DLG5: variants seen among roughly 807,000 people sequenced by gnomAD.
DLG5 encodes disks large homolog 5.
In DLG5, 48 loss-of-function variants were observed where a neutral mutation model predicts 189.8. The ratio of observed to expected loss-of-function variants is 0.25; its 90% CI spans 0.20 to 0.32. The LOEUF (loss-of-function observed/expected upper bound fraction) is 0.32. Among genes scored for constraint, DLG5 ranks in the 10% least tolerant of loss-of-function variants. The probability of loss-of-function intolerance (pLI) is 1.00; values close to 1 mark genes in which losing one functional copy is unlikely to be tolerated. For missense variants in DLG5, 2,160 were observed against 2,544.7 expected, an observed-to-expected ratio of 0.85 and a Z score of 3.25; for synonymous variants, 1,016 against 1,054.1, an observed-to-expected ratio of 0.96 and a Z score of 0.70.
chr10:77,893,855 C>T (rs1460781447), intron 1 of DLG5, among the ~76,000 whole-genome samples: 1 of 152,226 alleles, frequency 6.6e-6, no homozygotes, highest in Non-Finnish European at 1.5e-5. Context: ...CCCCTACTCC[C>T]TGGGCCTGAA....
At chr10:77,922,597 C>G (rs1041794322) in intron 1 of DLG5, among the ~76,000 whole-genome samples, 1 of 152,156 alleles carries the variant, frequency 6.6e-6, no homozygotes, top group Admixed American at 6.5e-5. Context: ...AAAACCACCC[C>G]AGACAAGGAA....
intron 2 of DLG5, among the ~76,000 whole-genome samples, chr10:77,859,982 C>G (rs997147583): frequency 6.6e-6 from 1 of 152,218 alleles, no homozygotes; most frequent in Non-Finnish European, 1.5e-5. Flanking sequence ...ATCTGACTGA[C>G]CATAACCTAC....
chr10:77,901,421 C>CA (rs1845923452), intron 1 of DLG5, among the ~76,000 whole-genome samples: 1 of 152,218 alleles, frequency 6.6e-6, no homozygotes, highest in Admixed American at 6.5e-5. Flanking sequence ...TTACACCTGG[C>CA]AAAGAGTTAC....
At chr10:77,897,589 C>T (rs919127863) in intron 1 of DLG5, among the ~76,000 whole-genome samples, 10 of 150,432 alleles carry the variant, frequency 6.6e-5, no homozygotes, top group East Asian at 2.0e-4. Context: ...TTTGGGAGAC[C>T]GAGGTGGGTC....
At chr10:77,923,203 C>T (rs188900049) in intron 1 of DLG5, among the ~76,000 whole-genome samples, 4 of 152,320 alleles carry the variant, frequency 2.6e-5, no homozygotes, top group East Asian at 1.9e-4. Context: ...TCTCAGGCTC[C>T]GCAATGGCCT....
At chr10:77,909,952 A>C (rs1255749862) in intron 1 of DLG5, among the ~76,000 whole-genome samples, 1 of 151,740 alleles carries the variant, frequency 6.6e-6, no homozygotes, top group Admixed American at 6.6e-5. Context: ...TCCTGCCTGA[A>C]CTCTGCCCTG....
At position 77,821,076 on chromosome 10, in the gene DLG5, C is replaced by A; in HGVS notation, c.3402+6G>T. On this transcript the variant is annotated splice_donor_region_variant and intron_variant, in intron 15 of 31. Coordinates refer to ENST00000372391, the MANE Select transcript of DLG5 (RefSeq NM_004747.4). Reference sequence around the variant, plus strand: ...CCCCTCCCCACACCCTGGGGCTCAGCTATACCTCCAGGAACTGAGCAGGAA... The same window carrying A: ...CCCCTCCCCACACCCTGGGGCTCAGATATACCTCCAGGAACTGAGCAGGAA... 6.2e-7 allele frequency: 1 copy of A among 1,600,840 alleles called. No homozygotes were observed. Among genetic ancestry groups the A allele is most frequent in the Admixed American group, 1.7e-5 (1 of 59,490 alleles).
intron 13 of DLG5, among the ~76,000 whole-genome samples, chr10:77,828,215 G>A (rs1406372824): frequency 2.0e-5 from 3 of 152,190 alleles, no homozygotes; most frequent in Non-Finnish European, 2.9e-5. Flanking sequence ...GCTGGGTGCT[G>A]TGGATCATGC....
intron 14 of DLG5, among the ~76,000 whole-genome samples, chr10:77,823,956 T>C (rs2154575716): frequency 6.6e-6 from 1 of 152,218 alleles, no homozygotes; most frequent in Non-Finnish European, 1.5e-5. Context: ...TCTCGCTGTG[T>C]TGCTGGGCTC....
intron 7 of DLG5, among the ~76,000 whole-genome samples, chr10:77,837,764 C>T (rs542181433): frequency 4.6e-5 from 7 of 152,324 alleles, no homozygotes; most frequent in Admixed American, 1.3e-4. Context: ...CAGGCTGCCT[C>T]GGCATCAGAT....
intron 2 of DLG5, chr10:77,868,606 C>T (rs891623789): frequency 4.4e-6 from 1 of 226,312 alleles, no homozygotes; most frequent in Non-Finnish European, 8.8e-6. Context: ...AGAAACCCCA[C>T]TAGAGGTGCT....
the DLG5 span, among the ~76,000 whole-genome samples, chr10:77,937,039 A>G: frequency 6.6e-6 from 1 of 151,996 alleles, no homozygotes; most frequent in African/African-American, 2.4e-5. Flanking sequence ...TCCAATGCAC[A>G]ATGCCTCATG....
At chr10:77,793,761 GA>G in intron 31 of DLG5, 1 of 544,720 alleles carries the variant, frequency 1.8e-6, no homozygotes, top group South Asian at 2.1e-5. Flanking sequence ...CTGCACGTGT[GA>G]AAATGAGCAG....
At chr10:77,816,514 T>C (rs201150624) in intron 20 of DLG5, 37 bp downstream of exon 20, 9 of 1,613,624 alleles carry the variant, frequency 5.6e-6, no homozygotes, top group African/African-American at 2.7e-5. Context: ...CACTGTCCAC[T>C]GGTTTACCCA....
rs527513989 is a variant in DLG5 at position 77,872,585 on chromosome 10, C to T, written c.305-3388G>A. Among the ~76,000 whole-genome samples the T allele has an allele frequency of 5.9e-5, 9 of 152,082 alleles. No individual in the cohort carries two copies. In the South Asian group the frequency reaches 1.7e-3, roughly 28 times the overall value. On this transcript the variant is annotated intron_variant, in intron 1 of 31. Coordinates refer to ENST00000372391, the MANE Select transcript of DLG5 (RefSeq NM_004747.4). ...TTTACAATGTTCCCAGAGCCTTGGA[C>T]GTCATTAAGGGGGAAAAAAGGCCCA...
intron 1 of DLG5, among the ~76,000 whole-genome samples, chr10:77,883,859 G>A (rs1845360309): frequency 6.6e-6 from 1 of 151,990 alleles, no homozygotes; most frequent in Admixed American, 6.6e-5. Flanking sequence ...ACCAGAAGTT[G>A]GCTAATTTTT....
chr10:77,854,077 G>A, intron 4 of DLG5, 150 bp downstream of exon 4: 1 of 996,940 alleles, frequency 1.0e-6, no homozygotes, highest in Non-Finnish European at 1.4e-6. Flanking sequence ...AGGCCCAAAG[G>A]CACAAATCCA....
intron 30 of DLG5, 107 bp from the exon 31 acceptor site, chr10:77,794,224 G>A: frequency 1.1e-6 from 1 of 922,670 alleles, no homozygotes; most frequent in South Asian, 1.4e-5. Context: ...GGTAGGCTGT[G>A]GAGGGAGGCC....
intron 20 of DLG5, among the ~76,000 whole-genome samples, chr10:77,814,286 TCTTTA>T (rs1393755113): frequency 1.3e-5 from 2 of 151,948 alleles, no homozygotes; most frequent in African/African-American, 2.4e-5. Flanking sequence ...CCAGAGATAA[TCTTTA>T]CTTTATAGTC....
Sources: gnomAD v4.1 joint callset for allele counts (sites outside exome capture counted in the v4.1 genomes callset) on GRCh38, gnomAD v4.1.1 for gene constraint, MANE v1.5 for transcripts, NCBI Gene and HGNC (gene_info 2026-07-23, HGNC 2026-07-21) for gene names.